ZNF536: variants seen among roughly 807,000 people sequenced by gnomAD.
ZNF536 encodes the protein zinc finger protein 536.
Under a neutral mutation model 84.5 loss-of-function variants are expected in ZNF536, and 13 were observed. That is an observed-to-expected ratio of 0.15 (90% CI 0.10 to 0.24). The LOEUF (loss-of-function observed/expected upper bound fraction) is 0.24. Among genes scored for constraint, ZNF536 ranks in the 10% least tolerant of loss-of-function variants. ZNF536 has a pLI of 1.00. For missense variants in ZNF536, 1,536 were observed against 1,747.5 expected (o/e 0.88, Z 2.16); for synonymous variants, 811 against 742.5 (o/e 1.09, Z -1.50).
At chr19:30,371,694 G>T (rs984420222), upstream of ZNF536, among the ~76,000 whole-genome samples, 3 of 151,330 alleles carry the variant, frequency 2.0e-5, no homozygotes, top group African/African-American at 7.3e-5. Flanking sequence ...GGAAAGGAGG[G>T]GGCATTGCCA....
At chr19:30,321,036 T>C (rs1364717437) in intron 2 of ZNF536, among the ~76,000 whole-genome samples, 2 of 152,136 alleles carry the variant, frequency 1.3e-5, no homozygotes, top group Non-Finnish European at 2.9e-5. Flanking sequence ...TCTCACCATC[T>C]CCGTCCCTTG....
intron 2 of ZNF536, among the ~76,000 whole-genome samples, chr19:30,343,823 G>T (rs1407323351): frequency 1.3e-5 from 2 of 152,124 alleles, no homozygotes; most frequent in African/African-American, 4.8e-5. Context: ...ACACATTTCT[G>T]CCCCTGAAGA....
chr19:30,307,685 C>T (rs1285970519), intron 2 of ZNF536, among the ~76,000 whole-genome samples: 1 of 152,180 alleles, frequency 6.6e-6, no homozygotes, highest in Non-Finnish European at 1.5e-5. Context: ...TATTAAAATA[C>T]AGTCCGAACT....
chr19:30,561,957 T>C (rs915796834), downstream of ZNF536, among the ~76,000 whole-genome samples: 3 of 152,144 alleles, frequency 2.0e-5, no homozygotes, highest in African/African-American at 7.2e-5. Context: ...GAGCCACAGA[T>C]GAGAACAGAT....
At chr19:30,656,512 C>T (rs1006210573) in intron 1 of ZNF536, among the ~76,000 whole-genome samples, 1 of 152,172 alleles carries the variant, frequency 6.6e-6, no homozygotes, top group African/African-American at 2.4e-5. Flanking sequence ...CAACGATGCT[C>T]ATGGAACTGT....
At chr19:30,439,864 G>A (rs1452542540) in intron 1 of ZNF536, among the ~76,000 whole-genome samples, 1 of 152,094 alleles carries the variant, frequency 6.6e-6, no homozygotes, top group Admixed American at 6.5e-5. Context: ...CCAAGCCTGG[G>A]GTGATAACCA....
chr19:30,632,642 TCAACCAACAAAC>T (rs1340316677), intron 1 of ZNF536, among the ~76,000 whole-genome samples: 2 of 102,684 alleles, frequency 1.9e-5, no homozygotes, highest in Non-Finnish European at 3.8e-5. Flanking sequence ...AACCAACCAA[TCAACCAACAAAC>T]CAACCAACCA....
chr19:30,322,204 A>G (rs539972341), intron 2 of ZNF536, among the ~76,000 whole-genome samples: 1 of 152,258 alleles, frequency 6.6e-6, no homozygotes, highest in South Asian at 2.1e-4. Flanking sequence ...TGGGACCATC[A>G]TTTGTAATAG....
At chr19:30,439,955 C>CTTTTTTTTTTTTTTTTTTT (rs1369505835) in intron 1 of ZNF536, among the ~76,000 whole-genome samples, 12 of 133,044 alleles carry the variant, frequency 9.0e-5, no homozygotes, top group East Asian at 7.4e-4. Flanking sequence ...CTTTTTCTTT[C>CTTTTTTTTTTTTTTTTTTT]TTTCTTTTTT....
intron 1 of ZNF536, among the ~76,000 whole-genome samples, chr19:30,655,029 C>T (rs1355813683): frequency 6.6e-6 from 1 of 152,230 alleles, no homozygotes; most frequent in African/African-American, 2.4e-5. Flanking sequence ...AGGCACCTGG[C>T]TGTGCTCCTA....
intron 1 of ZNF536, among the ~76,000 whole-genome samples, chr19:30,698,230 T>C (rs760992921): frequency 6.6e-6 from 1 of 151,232 alleles, no homozygotes; most frequent in Non-Finnish European, 1.5e-5. Context: ...AGGTGGACGC[T>C]GCAGTGAACT....
chr19:30,542,685 A>G (rs1322461872), intron 3 of ZNF536, among the ~76,000 whole-genome samples: 1 of 152,164 alleles, frequency 6.6e-6, no homozygotes, highest in East Asian at 1.9e-4. Context: ...CACATTTCAC[A>G]ATGACTGCCT....
intron 1 of ZNF536, among the ~76,000 whole-genome samples, chr19:30,600,582 C>T (rs1211426788): frequency 6.6e-6 from 1 of 152,186 alleles, no homozygotes; most frequent in East Asian, 1.9e-4. Context: ...GTATTGAACA[C>T]ACACCTGCCA....
intron 2 of ZNF536, among the ~76,000 whole-genome samples, chr19:30,345,420 T>C (rs2047709796): frequency 6.6e-6 from 1 of 152,230 alleles, no homozygotes; most frequent in Non-Finnish European, 1.5e-5. Context: ...ATATAAAATT[T>C]CCACTGGACA....
chr19:30,520,784 G>C (rs988582152), intron 2 of ZNF536, among the ~76,000 whole-genome samples: 1 of 152,116 alleles, frequency 6.6e-6, no homozygotes, highest in Non-Finnish European at 1.5e-5. Flanking sequence ...TAGATGGTGG[G>C]GTTGGGAGGC....
chr19:30,464,592 G>A (rs572574442), intron 2 of ZNF536, among the ~76,000 whole-genome samples: 9 of 151,960 alleles, frequency 5.9e-5, no homozygotes, highest in East Asian at 3.9e-4. Flanking sequence ...TGGCAGCTCC[G>A]CCAGCTTCTG....
intron 1 of ZNF536, among the ~76,000 whole-genome samples, chr19:30,624,687 C>T (rs890354712): frequency 6.6e-6 from 1 of 152,124 alleles, no homozygotes; most frequent in East Asian, 1.9e-4. Flanking sequence ...GATTTGGGCT[C>T]AGCCATCAGG....
intron 1 of ZNF536, among the ~76,000 whole-genome samples, chr19:30,709,803 C>T (rs534526968): frequency 6.6e-6 from 1 of 152,130 alleles, no homozygotes; most frequent in African/African-American, 2.4e-5. Flanking sequence ...TTTTTTTGTA[C>T]AGACAGTCTC....
rs577516943 is a variant in ZNF536, at chr19:30,644,612, C to T, written c.170-66145C>T. 7.9e-5 allele frequency among the ~76,000 whole-genome samples: 12 copies of T among 152,120 alleles called. No individual in the cohort carries two copies. In the South Asian group the frequency reaches 1.5e-3, roughly 18 times the overall value. The stretch of plus-strand genomic sequence containing the variant: ...ATTCCCACCTATGAGTGAGAACATG[C>T]GGTGTTTGGTTTTTTGTCCTTGCGA... On this transcript the variant is annotated intron_variant, in intron 1 of 1. Coordinates refer to the ZNF536 transcript ENST00000592773.
Sources: gnomAD v4.1 joint callset for allele counts (sites outside exome capture counted in the v4.1 genomes callset) on GRCh38, gnomAD v4.1.1 for gene constraint, MANE v1.5 for transcripts, NCBI Gene and HGNC (gene_info 2026-07-23, HGNC 2026-07-21) for gene names.